Variants in DMD observed in about 807,000 individuals in gnomAD.
The protein encoded by DMD is dystrophin, also known as mutant dystrophin.
A neutral mutation model predicts 330.1 loss-of-function variants in DMD; 63 were observed. The observed-to-expected ratio is 0.19, with a 90% CI of 0.16 to 0.24. The LOEUF is 0.24. Ranked by LOEUF, DMD falls within the 10% of genes least tolerant of loss-of-function variation. DMD has a pLI of 1.00. For missense variants in DMD, 3,344 were observed against 2,684.1 expected (o/e 1.25, Z -5.43); for synonymous variants, 1,223 against 959.8 (o/e 1.27, Z -5.07).
intron 4 of DMD, among the ~76,000 whole-genome samples, chrX:32,836,117 C>T (rs941160371): frequency 2.7e-5 from 3 of 109,748 alleles, no homozygotes; most frequent in Non-Finnish European, 1.9e-5. Flanking sequence ...GTGCAACCTC[C>T]GCCTCATGGG....
intron 2 of DMD, among the ~76,000 whole-genome samples, chrX:32,970,311 A>C (rs1404719918): frequency 2.1e-5 from 2 of 94,672 alleles, no homozygotes; most frequent in Non-Finnish European, 4.0e-5. Flanking sequence ...AATAACTAAA[A>C]GAGTGTAATT....
intron 7 of DMD, among the ~76,000 whole-genome samples, chrX:32,796,825 T>C (rs2076216233): frequency 8.9e-6 from 1 of 112,086 alleles, no homozygotes; most frequent in Non-Finnish European, 1.9e-5. Context: ...CTATAAATCT[T>C]CAGGTTTCCC....
chrX:33,252,659 T>C (rs2052790202), intron 1 of DMD, among the ~76,000 whole-genome samples: 1 of 110,928 alleles, frequency 9.0e-6, no homozygotes, highest in African/African-American at 3.3e-5. Context: ...GAGGATCCAA[T>C]GCCACATTGG....
At chrX:32,448,785 C>A in intron 26 of DMD, 147 bp from the exon 27 acceptor site, 7 of 502,632 alleles carry the variant, frequency 1.4e-5, no homozygotes, top group South Asian at 4.3e-5. Context: ...CCAGTCTCTT[C>A]CATAAATTTA....
intron 60 of DMD, among the ~76,000 whole-genome samples, chrX:31,439,075 C>T (rs2064748033): frequency 9.0e-6 from 1 of 111,199 alleles, no homozygotes; most frequent in South Asian, 3.8e-4. Context: ...GACCAAGTTT[C>T]CAGTAAGAAA....
At chrX:33,043,948 G>T (rs1376327656) in intron 1 of DMD, among the ~76,000 whole-genome samples, 1 of 108,609 alleles carries the variant, frequency 9.2e-6, no homozygotes, top group East Asian at 2.9e-4. Context: ...GGTGATGAGA[G>T]ACAAATGGCC....
At chrX:32,388,357 G>A (rs747880710) in intron 32 of DMD, among the ~76,000 whole-genome samples, 22 of 21,539 alleles carry the variant, frequency 1.0e-3, no homozygotes, top group Non-Finnish European at 1.6e-3. Flanking sequence ...TTTTTTTTTG[G>A]CAAAATTTAA....
intron 44 of DMD, among the ~76,000 whole-genome samples, chrX:32,179,675 T>G (rs2096920575): frequency 8.9e-6 from 1 of 112,140 alleles, no homozygotes; most frequent in African/African-American, 3.2e-5. Context: ...AATCTCATCT[T>G]GAATTGTAGC....
At chrX:31,721,718 C>CTCTATATATATATA (rs1227959078) in intron 52 of DMD, among the ~76,000 whole-genome samples, 1 of 56,497 alleles carries the variant, frequency 1.8e-5, no homozygotes, top group African/African-American at 6.0e-5. Flanking sequence ...CTCTCTCTCT[C>CTCTATATATATATA]TATATATATA....
intron 44 of DMD, among the ~76,000 whole-genome samples, chrX:32,092,208 C>A (rs1321303016): frequency 9.0e-6 from 1 of 111,553 alleles, no homozygotes; most frequent in African/African-American, 3.3e-5. Context: ...GAGGCATGGG[C>A]AACTCCCAGC....
At chrX:32,303,865 A>C in intron 42 of DMD, among the ~76,000 whole-genome samples, 1 of 110,832 alleles carries the variant, frequency 9.0e-6, no homozygotes, top group Non-Finnish European at 1.9e-5. Flanking sequence ...GCTACCAGGC[A>C]CTACATTAAT....
chrX:33,335,638 G>A (rs2054241610), intron 1 of DMD, among the ~76,000 whole-genome samples: 1 of 110,754 alleles, frequency 9.0e-6, no homozygotes, highest in Admixed American at 9.7e-5. Context: ...CAGATAGACA[G>A]GCTATCTGGA....
chrX:32,865,796 A>C (rs2082434256), intron 2 of DMD, among the ~76,000 whole-genome samples: 1 of 112,745 alleles, frequency 8.9e-6, no homozygotes, highest in Non-Finnish European at 1.9e-5. Context: ...TGCATGCAAA[A>C]ATATTTGGCA....
chrX:33,019,593 A>G (rs1351442912), intron 2 of DMD, among the ~76,000 whole-genome samples: 1 of 111,584 alleles, frequency 9.0e-6, no homozygotes, highest in East Asian at 2.8e-4. Flanking sequence ...GAGTCACGCT[A>G]TTGATTAAAA....
At chrX:32,013,163 T>C (rs1319253182) in intron 44 of DMD, among the ~76,000 whole-genome samples, 2 of 96,800 alleles carry the variant, frequency 2.1e-5, no homozygotes, top group African/African-American at 7.8e-5. Flanking sequence ...CTTGGCTCAC[T>C]GCAACCTCCA....
chrX:32,354,647 T>C (rs1355629379), intron 37 of DMD, among the ~76,000 whole-genome samples: 1 of 111,661 alleles, frequency 9.0e-6, no homozygotes, highest in Non-Finnish European at 1.9e-5. Context: ...TGACTCCAAA[T>C]AGTGACATTT....
At chrX:32,390,761 TCTC>T (rs2097996352) in intron 30 of DMD, among the ~76,000 whole-genome samples, 1 of 111,444 alleles carries the variant, frequency 9.0e-6, no homozygotes, top group Non-Finnish European at 1.9e-5. Flanking sequence ...CTTAAGCAAT[TCTC>T]CTGTCTCAGC....
At chrX:31,375,540 C>T (rs1421194299) in intron 60 of DMD, among the ~76,000 whole-genome samples, 2 of 111,418 alleles carry the variant, frequency 1.8e-5, no homozygotes, top group African/African-American at 3.3e-5. Flanking sequence ...GGCAGAAAAC[C>T]GTGTTCAAGC....
intron 1 of DMD, among the ~76,000 whole-genome samples, chrX:33,119,863 T>C (rs1027881929): frequency 9.0e-6 from 1 of 111,646 alleles, no homozygotes; most frequent in African/African-American, 3.3e-5. Context: ...ATGATATATG[T>C]CCATTTTCTC....
Sources: allele counts gnomAD v4.1 joint callset (sites outside exome capture counted in the v4.1 genomes callset), GRCh38; gene constraint gnomAD v4.1.1; transcripts MANE v1.5; gene names NCBI Gene and HGNC (gene_info 2026-07-23, HGNC 2026-07-21).